The following GULP1 variants were observed in gnomAD, a reference collection of about 807,000 sequenced individuals.
The protein encoded by GULP1 is PTB domain-containing engulfment adapter protein 1.
A neutral mutation model predicts 40.9 loss-of-function variants in GULP1; 19 were observed. The observed-to-expected ratio is 0.46, with a 90% CI of 0.32 to 0.68. The LOEUF (loss-of-function observed/expected upper bound fraction) is 0.68. Ranked by LOEUF, GULP1 falls within the 30% of genes least tolerant of loss-of-function variation. GULP1 has a pLI of 0.03. For missense variants in GULP1, 312 were observed against 362.2 expected (o/e 0.86, Z 1.12); for synonymous variants, 119 against 117.6 (o/e 1.01, Z -0.08).
At chr2:188,329,267 T>C (rs2041214070) in intron 1 of GULP1, among the ~76,000 whole-genome samples, 1 of 152,136 alleles carries the variant, frequency 6.6e-6, no homozygotes, top group African/African-American at 2.4e-5. Flanking sequence ...ATTACATCCC[T>C]CTTGTACCCT....
chr2:188,398,574 AAATT>A (rs2051633464), intron 2 of GULP1, among the ~76,000 whole-genome samples: 1 of 152,210 alleles, frequency 6.6e-6, no homozygotes, highest in Non-Finnish European at 1.5e-5. Flanking sequence ...ATCCCTTTAT[AAATT>A]AATTACTATT....
chr2:188,584,214 T>C, intron 9 of GULP1, 51 bp from the exon 10 acceptor site: 1 of 788,844 alleles, frequency 1.3e-6, no homozygotes, highest in Non-Finnish European at 2.0e-6. Flanking sequence ...TATTTAGCAT[T>C]ACAATGTGTC....
intron 2 of GULP1, among the ~76,000 whole-genome samples, chr2:188,407,182 T>G (rs938859297): frequency 2.0e-5 from 3 of 152,118 alleles, no homozygotes; most frequent in Non-Finnish European, 2.9e-5. Context: ...GAAAGAGAGA[T>G]AAATACTTTT....
intron 2 of GULP1, among the ~76,000 whole-genome samples, chr2:188,400,033 TGGC>T (rs2051985139): frequency 6.6e-6 from 1 of 151,960 alleles, no homozygotes; most frequent in Non-Finnish European, 1.5e-5. Context: ...ATAAACAGAG[TGGC>T]TTAAAACAAC....
chr2:188,572,602 ACTTTTT>A (rs985285292), intron 9 of GULP1, among the ~76,000 whole-genome samples: 4 of 152,182 alleles, frequency 2.6e-5, no homozygotes, highest in Non-Finnish European at 5.9e-5. Flanking sequence ...TGTTGTCTAC[ACTTTTT>A]CTTTAACTTT....
At chr2:188,339,072 A>G (rs1417014538) in intron 1 of GULP1, among the ~76,000 whole-genome samples, 1 of 152,218 alleles carries the variant, frequency 6.6e-6, no homozygotes, top group East Asian at 1.9e-4. Flanking sequence ...TCCTAGAAAT[A>G]GTTAGCTTAT....
At chr2:188,295,529 T>A (rs1209307347) in intron 1 of GULP1, among the ~76,000 whole-genome samples, 1 of 152,190 alleles carries the variant, frequency 6.6e-6, no homozygotes, top group Non-Finnish European at 1.5e-5. Flanking sequence ...CTTTTTAGTG[T>A]GACATGTCAA....
At chr2:188,423,193 C>T (rs2055694264) in intron 2 of GULP1, among the ~76,000 whole-genome samples, 1 of 151,916 alleles carries the variant, frequency 6.6e-6, no homozygotes, top group Non-Finnish European at 1.5e-5. Context: ...TTCTGTTGCA[C>T]CACACTCAAA....
chr2:188,438,291 C>T (rs188853444), intron 2 of GULP1, among the ~76,000 whole-genome samples: 8 of 151,786 alleles, frequency 5.3e-5, no homozygotes, highest in Non-Finnish European at 7.4e-5. Flanking sequence ...CCAATGCAGT[C>T]GCATGCCCAA....
chr2:188,508,792 A>C (rs1406847917), intron 4 of GULP1, among the ~76,000 whole-genome samples: 1 of 152,052 alleles, frequency 6.6e-6, no homozygotes, highest in Non-Finnish European at 1.5e-5. Context: ...GAACCAAATA[A>C]TACACACCTG....
At chr2:188,400,081 A>G (rs1017054413) in intron 2 of GULP1, among the ~76,000 whole-genome samples, 3 of 152,180 alleles carry the variant, frequency 2.0e-5, no homozygotes, top group African/African-American at 7.2e-5. Context: ...GGAGGATAGA[A>G]GCTCAAAACC....
In GULP1 at chr2:188,304,512, A is replaced by G. The variant is rs905223509; in HGVS notation, c.-172+12346A>G. Reference sequence around the variant, plus strand: ...GCCAGCAAACAGTGGAACCAGGGCAATTGGTAGGATGGGAAGTAATGCGTC... The same window carrying G: ...GCCAGCAAACAGTGGAACCAGGGCAGTTGGTAGGATGGGAAGTAATGCGTC... On this transcript the variant is annotated intron_variant, in intron 1 of 11. Transcript: ENST00000409830. 7.2e-5 allele frequency among the ~76,000 whole-genome samples: 11 copies of G among 152,176 alleles called. No individual in the cohort carries two copies. The South Asian group carries it at 8.3e-4, about 11-fold the overall frequency.
chr2:188,421,432 A>G (rs1418761373), intron 2 of GULP1, among the ~76,000 whole-genome samples: 1 of 152,146 alleles, frequency 6.6e-6, no homozygotes, highest in Non-Finnish European at 1.5e-5. Context: ...TAAAATATAT[A>G]GGAGATTTTT....
chr2:188,527,719 AC>A (rs1010718865), intron 5 of GULP1, among the ~76,000 whole-genome samples: 1 of 152,076 alleles, frequency 6.6e-6, no homozygotes, highest in Admixed American at 6.6e-5. Context: ...AACAAATGGT[AC>A]CCCCTGGGAT....
At chr2:188,439,597 G>A (rs1026320665) in intron 2 of GULP1, among the ~76,000 whole-genome samples, 3 of 152,028 alleles carry the variant, frequency 2.0e-5, no homozygotes, top group African/African-American at 7.2e-5. Context: ...GTGTGTGTGT[G>A]TATGCGTATT....
At chr2:188,319,098 A>G (rs2039575258) in intron 1 of GULP1, among the ~76,000 whole-genome samples, 1 of 152,200 alleles carries the variant, frequency 6.6e-6, no homozygotes. Context: ...AACATGATTA[A>G]AGCTGTTATT....
chr2:188,532,948 T>C (rs181669726), intron 6 of GULP1, among the ~76,000 whole-genome samples: 1 of 152,108 alleles, frequency 6.6e-6, no homozygotes, highest in East Asian at 1.9e-4. Context: ...GAAAGATATG[T>C]GAAAAGCTCT....
At chr2:188,503,920 C>T (rs1374606719) in intron 4 of GULP1, among the ~76,000 whole-genome samples, 6 of 151,858 alleles carry the variant, frequency 4.0e-5, no homozygotes, top group African/African-American at 1.4e-4. Context: ...AGAATACCTA[C>T]CTGTATCCTA....
At chr2:188,372,161 T>C (rs1486130134) in intron 1 of GULP1, among the ~76,000 whole-genome samples, 4 of 152,106 alleles carry the variant, frequency 2.6e-5, no homozygotes, top group Non-Finnish European at 5.9e-5. Context: ...ACTGAGATAA[T>C]GTATTGTGCT....
Sources: gnomAD v4.1 joint callset for allele counts (sites outside exome capture counted in the v4.1 genomes callset) on GRCh38, gnomAD v4.1.1 for gene constraint, MANE v1.5 for transcripts, NCBI Gene and HGNC (gene_info 2026-07-23, HGNC 2026-07-21) for gene names.